Variants in RP1 observed in about 807,000 individuals in gnomAD.
RP1 encodes oxygen-regulated protein 1.
RP1 carries 16 observed loss-of-function variants against 14.8 expected under a neutral mutation model. The ratio of observed to expected loss-of-function variants is 1.08; its 90% CI spans 0.73 to 1.65. The LOEUF (loss-of-function observed/expected upper bound fraction) is 1.65. Among genes scored for constraint, RP1 ranks in the 40% most tolerant of loss-of-function variants. The probability of loss-of-function intolerance (pLI) is 0.00; values close to 1 mark genes in which losing one functional copy is unlikely to be tolerated. For missense variants in RP1, 2,631 were observed against 2,535.0 expected, an observed-to-expected ratio of 1.04 and a Z score of -0.81; for synonymous variants, 876 against 883.6, an observed-to-expected ratio of 0.99 and a Z score of 0.15.
At chr8:54,812,237 CTCAAGCGAT>C (rs1469410629) in intron 24 of RP1, among the ~76,000 whole-genome samples, 1 of 152,152 alleles carries the variant, frequency 6.6e-6, no homozygotes, top group African/African-American at 2.4e-5. Flanking sequence ...GCCTCCCAGA[CTCAAGCGAT>C]TCTTGTGCCT....
At chr8:54,706,995 T>A (rs1808167094) in intron 15 of RP1, among the ~76,000 whole-genome samples, 1 of 152,174 alleles carries the variant, frequency 6.6e-6, no homozygotes, top group Non-Finnish European at 1.5e-5. Context: ...GGTCCATGAA[T>A]GATGCTTTGA....
chr8:54,635,861 A>AAATTATCT (rs774991389), intron 3 of RP1, among the ~76,000 whole-genome samples: 6 of 152,138 alleles, frequency 3.9e-5, no homozygotes, highest in African/African-American at 9.7e-5. Context: ...CCCCCACAAG[A>AAATTATCT]AAGCCTAAGG....
chr8:54,853,041 C>T (rs1408633752), intron 26 of RP1, among the ~76,000 whole-genome samples: 1 of 152,176 alleles, frequency 6.6e-6, no homozygotes, highest in African/African-American at 2.4e-5. Context: ...TATGACAGAG[C>T]TACCCAGGCG....
intron 12 of RP1, among the ~76,000 whole-genome samples, chr8:54,693,995 C>G (rs1461249802): frequency 1.3e-5 from 2 of 152,110 alleles, no homozygotes; most frequent in African/African-American, 4.8e-5. Context: ...TACATCCCAT[C>G]AATACCTAAT....
At chr8:54,609,944 C>T (rs1319642994) in intron 1 of RP1, among the ~76,000 whole-genome samples, 1 of 152,200 alleles carries the variant, frequency 6.6e-6, no homozygotes, top group Non-Finnish European at 1.5e-5. Flanking sequence ...AGCATACACG[C>T]ATATTACACC....
At chr8:54,787,032 G>A (rs966689350) in intron 24 of RP1, among the ~76,000 whole-genome samples, 2 of 152,138 alleles carry the variant, frequency 1.3e-5, no homozygotes, top group Non-Finnish European at 2.9e-5. Context: ...CCAGTCATAG[G>A]CCTTGAAGAG....
intron 24 of RP1, among the ~76,000 whole-genome samples, chr8:54,824,964 T>A (rs993090075): frequency 9.9e-5 from 15 of 151,534 alleles, no homozygotes; most frequent in African/African-American, 2.4e-4. Context: ...TTCTTTCTTT[T>A]TTTTTTTTAA....
intron 27 of RP1, among the ~76,000 whole-genome samples, chr8:54,863,573 C>T (rs772083862): frequency 6.6e-5 from 10 of 152,042 alleles, no homozygotes; most frequent in Non-Finnish European, 1.3e-4. Flanking sequence ...CATTCTTTTC[C>T]GTATGGATCA....
chr8:54,864,922 G>T (rs1812425919), intron 27 of RP1, among the ~76,000 whole-genome samples: 1 of 151,978 alleles, frequency 6.6e-6, no homozygotes, highest in Non-Finnish European at 1.5e-5. Context: ...ATTACATTGA[G>T]GTTTTGAATT....
chr8:54,767,549 G>A (rs1224602049), intron 22 of RP1, among the ~76,000 whole-genome samples: 1 of 151,984 alleles, frequency 6.6e-6, no homozygotes, highest in Non-Finnish European at 1.5e-5. Context: ...TAGTAGAGAT[G>A]GGGTTTCACC....
intron 3 of RP1, among the ~76,000 whole-genome samples, chr8:54,642,308 A>C (rs948239520): frequency 1.3e-5 from 2 of 152,136 alleles, no homozygotes; most frequent in Non-Finnish European, 1.5e-5. Context: ...TTCTCTTTAC[A>C]TACTTAACCA....
intron 24 of RP1, among the ~76,000 whole-genome samples, chr8:54,804,798 T>C (rs770105297): frequency 6.6e-6 from 1 of 152,242 alleles, no homozygotes. Context: ...TTTTAATATA[T>C]GACTCTTAAT....
chr8:54,609,325 A>C (rs1236703041), intron 1 of RP1, among the ~76,000 whole-genome samples: 2 of 151,426 alleles, frequency 1.3e-5, no homozygotes, highest in Non-Finnish European at 1.5e-5. Flanking sequence ...GTGGTGATGC[A>C]CTCCTGCAGT....
At chr8:54,778,279 C>T (rs555513281) in intron 23 of RP1, among the ~76,000 whole-genome samples, 1 of 149,786 alleles carries the variant, frequency 6.7e-6, no homozygotes, top group South Asian at 2.1e-4. Context: ...GAGGGTGGTT[C>T]ATTCTGGTTA....
intron 1 of RP1, among the ~76,000 whole-genome samples, chr8:54,595,349 TTGATCTCCTGACCTCG>T (rs1344664656): frequency 6.6e-6 from 1 of 152,150 alleles, no homozygotes; most frequent in African/African-American, 2.4e-5. Flanking sequence ...CAGGATGGTC[TTGATCTCCTGACCTCG>T]TGATCCGCCC....
At chr8:54,699,912 A>T (rs1027687779) in intron 13 of RP1, among the ~76,000 whole-genome samples, 3 of 152,184 alleles carry the variant, frequency 2.0e-5, no homozygotes, top group Non-Finnish European at 4.4e-5. Context: ...CTTAGTTTAG[A>T]TTTGAAAAGT....
At position 54,661,646 on chromosome 8, in the gene RP1, G is replaced by A. The variant is rs190785309; in HGVS notation, c.1172-2053G>A. On this transcript the variant is annotated intron_variant, in intron 6 of 22. Coordinates refer to the RP1 transcript ENST00000636932. ...AACTGATGTGAAAATCCAGAGGATG[G>A]AGCTGGTGTGGGAGGGCAGTGCAGA... is the stretch of plus-strand genomic sequence containing the variant. Among the ~76,000 whole-genome samples, 48 of 152,280 alleles carry A rather than the reference G, an allele frequency of 3.2e-4. No individual in the cohort carries two copies. In the East Asian group the frequency reaches 9.3e-3, roughly 29 times the overall value.
intron 25 of RP1, among the ~76,000 whole-genome samples, chr8:54,851,114 T>C (rs936545868): frequency 1.1e-4 from 16 of 152,170 alleles, no homozygotes; most frequent in Non-Finnish European, 2.9e-5. Context: ...TGCATATGTA[T>C]TTAACCTAAT....
rs574910212 is a variant in RP1 at position 54,696,437 on chromosome 8, G to A, written c.1718-3030G>A. 4.1e-3 allele frequency: 3,164 copies of A among 764,782 alleles called. 51 individuals are homozygous for A. Among genetic ancestry groups the A allele is most frequent in the Non-Finnish European group, 1.9e-3 (830 of 447,014 alleles). The allele number at this position is 764,782 out of a possible 1,614,324, so 47.4% of individuals were successfully genotyped here. Reference sequence around the variant, plus strand: ...GCAAAGAAAAAATCCCTTTGTTCCAGAAAGTCTCCTGAAAAAGAGGAAAGC... The same window carrying A: ...GCAAAGAAAAAATCCCTTTGTTCCAAAAAGTCTCCTGAAAAAGAGGAAAGC... On this transcript the variant is annotated intron_variant, in intron 12 of 22. Coordinates refer to the RP1 transcript ENST00000636932.
Sources: gnomAD v4.1 joint callset for allele counts (sites outside exome capture counted in the v4.1 genomes callset) on GRCh38, gnomAD v4.1.1 for gene constraint, MANE v1.5 for transcripts, NCBI Gene and HGNC (gene_info 2026-07-23, HGNC 2026-07-21) for gene names.